ATP2B2: variants seen among roughly 807,000 people sequenced by gnomAD.
ATP2B2 encodes ATPase plasma membrane Ca2+ transporting 2.
In ATP2B2, 15 loss-of-function variants were observed where a neutral mutation model predicts 120.0. That is an observed-to-expected ratio of 0.12 (90% confidence interval 0.08 to 0.19). The LOEUF is 0.19. Ranked by LOEUF, ATP2B2 falls within the 10% of genes least tolerant of loss-of-function variation. The pLI, the probability that ATP2B2 is intolerant of heterozygous loss-of-function variation, is 1.00. For synonymous variants in ATP2B2, 694 were observed against 700.3 expected (o/e 0.99, Z 0.14); for missense variants, 1,045 against 1,719.8 (o/e 0.61, Z 6.94).
chr3:10,567,706 T>C (rs1258255643), intron 2 of ATP2B2, among the ~76,000 whole-genome samples: 1 of 152,232 alleles, frequency 6.6e-6, no homozygotes, highest in African/African-American at 2.4e-5. Context: ...TTATTTCTAT[T>C]GATAATTAAT....
At chr3:10,537,814 T>C (rs1365619108) in intron 2 of ATP2B2, among the ~76,000 whole-genome samples, 3 of 152,186 alleles carry the variant, frequency 2.0e-5, no homozygotes. Flanking sequence ...TTTATCAAGG[T>C]GAGGAAGTTT....
chr3:10,698,715 G>T (rs567226631), intron 1 of ATP2B2, among the ~76,000 whole-genome samples: 2 of 152,218 alleles, frequency 1.3e-5, no homozygotes, highest in African/African-American at 2.4e-5. Context: ...CTGGAGGCAC[G>T]AGCCAGCCTG....
chr3:10,679,902 T>C (rs550315822), intron 1 of ATP2B2, among the ~76,000 whole-genome samples: 1 of 152,266 alleles, frequency 6.6e-6, no homozygotes, highest in East Asian at 1.9e-4. Context: ...GCAGGAGGGT[T>C]CAATGATATT....
chr3:10,358,476 G>A (rs187439014), intron 14 of ATP2B2, among the ~76,000 whole-genome samples: 10 of 152,354 alleles, frequency 6.6e-5, no homozygotes, highest in South Asian at 4.1e-4. Context: ...CTGGCAACCT[G>A]TGGGTTCTGT....
chr3:10,481,275 A>G (rs1012267970), intron 1 of ATP2B2, among the ~76,000 whole-genome samples: 3 of 152,146 alleles, frequency 2.0e-5, no homozygotes, highest in South Asian at 2.1e-4. Context: ...GGTAGTCCCA[A>G]TGAATCCAAC....
At chr3:10,432,427 G>A (rs868746821) in intron 2 of ATP2B2, among the ~76,000 whole-genome samples, 1 of 152,224 alleles carries the variant, frequency 6.6e-6, no homozygotes, top group Non-Finnish European at 1.5e-5. Flanking sequence ...GTATGGGAGT[G>A]GGGGTGACAG....
Position 10,449,481 on chromosome 3 carries a change from C to T in ATP2B2, c.63G>A (p.Gly21=). The change falls in exon 2 of 23, where the codon GGG becomes GGA. Residue 21 remains glycine (G), a synonymous_variant. Coordinates refer to ENST00000360273, the MANE Select transcript of ATP2B2 (RefSeq NM_001001331.4). The stretch of plus-strand genomic sequence containing the variant: ...CCTCCATTGTGCACCCGAACTCGCC[C>T]CCATGGCTCGACTCATTTCTTTGGT... ...SKNQRNESSH[G]GEFGCTMEEL... 6.2e-7 allele frequency: 1 copy of T among 1,614,266 alleles called. No homozygotes were observed. The highest frequency in any genetic ancestry group is 1.3e-5 in the African/African-American group (1 of 75,078).
intron 2 of ATP2B2, among the ~76,000 whole-genome samples, chr3:10,613,418 T>G (rs1473972308): frequency 6.6e-6 from 1 of 152,122 alleles, no homozygotes; most frequent in Non-Finnish European, 1.5e-5. Context: ...GCGGGCAGCT[T>G]GGGGACCCTC....
intron 2 of ATP2B2, among the ~76,000 whole-genome samples, chr3:10,422,397 G>A (rs1420359910): frequency 6.6e-6 from 1 of 152,206 alleles, no homozygotes; most frequent in Non-Finnish European, 1.5e-5. Flanking sequence ...GGTGTGCATT[G>A]CAGGCATGTA....
At chr3:10,419,159 G>A (rs926028462) in intron 2 of ATP2B2, among the ~76,000 whole-genome samples, 1 of 152,336 alleles carries the variant, frequency 6.6e-6, no homozygotes, top group Middle Eastern at 3.4e-3. Flanking sequence ...CTCCCCTCCT[G>A]CCTTTCTGGG....
At chr3:10,657,723 C>T (rs1281038433) in intron 1 of ATP2B2, among the ~76,000 whole-genome samples, 2 of 152,184 alleles carry the variant, frequency 1.3e-5, no homozygotes. Context: ...CTTAAATGTC[C>T]CTGTCTGACA....
intron 2 of ATP2B2, among the ~76,000 whole-genome samples, chr3:10,589,906 C>T (rs1019028025): frequency 1.3e-5 from 2 of 152,170 alleles, no homozygotes; most frequent in African/African-American, 2.4e-5. Flanking sequence ...ATAAACCTAC[C>T]ACATAATTCA....
chr3:10,547,823 C>T (rs142284227), intron 2 of ATP2B2, among the ~76,000 whole-genome samples: 1 of 152,272 alleles, frequency 6.6e-6, no homozygotes, highest in East Asian at 1.9e-4. Flanking sequence ...AGGGAATCTC[C>T]CCAGGAAATT....
intron 2 of ATP2B2, among the ~76,000 whole-genome samples, chr3:10,436,920 A>T (rs1452552259): frequency 6.6e-6 from 1 of 152,210 alleles, no homozygotes; most frequent in Non-Finnish European, 1.5e-5. Flanking sequence ...TTGTCAGGAC[A>T]TACGATGCTA....
intron 2 of ATP2B2, among the ~76,000 whole-genome samples, chr3:10,542,636 A>C (rs1198398049): frequency 6.6e-6 from 1 of 152,186 alleles, no homozygotes; most frequent in Non-Finnish European, 1.5e-5. Flanking sequence ...TGATAGTTCT[A>C]TTCTTTCAGC....
intron 1 of ATP2B2, among the ~76,000 whole-genome samples, chr3:10,656,898 G>C (rs2070644837): frequency 6.6e-6 from 1 of 152,236 alleles, no homozygotes; most frequent in African/African-American, 2.4e-5. Context: ...TAAGGCCCTG[G>C]GGCAGGAGCA....
At chr3:10,392,514 A>T (rs984009286) in intron 5 of ATP2B2, among the ~76,000 whole-genome samples, 1 of 152,206 alleles carries the variant, frequency 6.6e-6, no homozygotes, top group African/African-American at 2.4e-5. Context: ...ACAGACATCC[A>T]AGTCAAAGCG....
chr3:10,491,183 G>C (rs2065919885), intron 1 of ATP2B2, among the ~76,000 whole-genome samples: 1 of 151,596 alleles, frequency 6.6e-6, no homozygotes. Context: ...CCTGGAGCCC[G>C]CCTGTGTTGG....
intron 2 of ATP2B2, among the ~76,000 whole-genome samples, chr3:10,540,462 A>T (rs1386085432): frequency 6.6e-6 from 1 of 152,202 alleles, no homozygotes; most frequent in African/African-American, 2.4e-5. Context: ...AAGACTTGGA[A>T]CCAACCCAAA....
Sources: allele counts gnomAD v4.1 joint callset (sites outside exome capture counted in the v4.1 genomes callset), GRCh38; gene constraint gnomAD v4.1.1; transcripts MANE v1.5; gene names NCBI Gene and HGNC (gene_info 2026-07-23, HGNC 2026-07-21).